Variants in PCDH10 observed in about 807,000 individuals in gnomAD.
PCDH10 encodes the protein protocadherin 10.
Under a neutral mutation model 74.4 loss-of-function variants are expected in PCDH10, and 15 were observed. The ratio of observed to expected loss-of-function variants is 0.20; its 90% CI spans 0.13 to 0.31. The LOEUF (loss-of-function observed/expected upper bound fraction) is 0.31. Among genes scored for constraint, PCDH10 ranks in the 10% least tolerant of loss-of-function variants. PCDH10 has a pLI of 1.00. For synonymous variants in PCDH10, 619 were observed against 589.8 expected, an observed-to-expected ratio of 1.05 and a Z score of -0.72; for missense variants, 1,260 against 1,390.2, an observed-to-expected ratio of 0.91 and a Z score of 1.49.
chr4:133,203,767 C>T (rs906809773), intron 2 of PCDH10, among the ~76,000 whole-genome samples: 3 of 152,104 alleles, frequency 2.0e-5, no homozygotes, highest in African/African-American at 7.2e-5. Flanking sequence ...TGGTGCAGAC[C>T]TTCTGTGTGG....
intron 2 of PCDH10, among the ~76,000 whole-genome samples, chr4:133,206,593 T>G: frequency 6.6e-6 from 1 of 152,344 alleles, no homozygotes; most frequent in South Asian, 2.1e-4. Flanking sequence ...AGTTACTATG[T>G]CAATTATAAC....
Position 133,158,760 on chromosome 4 carries a change from G to A in PCDH10, c.2797+3737G>A, listed in dbSNP as rs1475131807. ...AGATAATTGCCAAGTTTGATTTTGG[G>A]TTTATATATAAAATGGATTTACACC... On this transcript the variant is annotated intron_variant, in intron 3 of 4. Coordinates refer to ENST00000264360, the MANE Select transcript of PCDH10 (RefSeq NM_032961.3). 5.9e-5 allele frequency among the ~76,000 whole-genome samples: 9 copies of A among 152,008 alleles called. No individual in the cohort carries two copies. In the East Asian group the frequency reaches 1.7e-3, roughly 29 times the overall value.
chr4:133,187,423 A>AT lies in PCDH10; in HGVS notation c.3104-2718_3104-2717insT, dbSNP rs1221851684. Among the ~76,000 whole-genome samples the AT allele has an allele frequency of 2.6e-5, 4 of 152,234 alleles. No individual in the cohort carries two copies. In the South Asian group the frequency reaches 6.2e-4, roughly 24 times the overall value. ...TCCTTCGATTTTGGGGGCAACCTGG[A>AT]AACAGGCCCTCACAGACACTGAGGG... On this transcript the variant is annotated intron_variant, in intron 4 of 4. Transcript: ENST00000264360.
chr4:133,151,721 C>T lies in PCDH10; in HGVS notation c.1581C>T (p.Ala527=). ...SINSENGYLY[A]LRSFDYEQLK... ...ACTCTGAGAACGGCTACTTGTACGC[C>T]CTGCGCTCCTTCGACTATGAGCAGC... is the stretch of plus-strand genomic sequence containing the variant. The change falls in exon 1 of 5, where the codon GCC becomes GCT. Residue 527 remains alanine (A), a synonymous_variant. Coordinates refer to ENST00000264360, the MANE Select transcript of PCDH10 (RefSeq NM_032961.3). 1.2e-6 allele frequency: 2 copies of T among 1,613,230 alleles called. No homozygotes were observed. The highest frequency in any genetic ancestry group is 8.5e-7 in the Non-Finnish European group (1 of 1,180,046).
At chr4:133,171,434 T>C in intron 4 of PCDH10, among the ~76,000 whole-genome samples, 1 of 152,308 alleles carries the variant, frequency 6.6e-6, no homozygotes, top group African/African-American at 2.4e-5. Context: ...ACATATTTTC[T>C]GGATTAAATT....
chr4:133,207,094 T>C (rs955228297), intron 2 of PCDH10, among the ~76,000 whole-genome samples: 1 of 152,116 alleles, frequency 6.6e-6, no homozygotes, highest in Non-Finnish European at 1.5e-5. Flanking sequence ...AATATCATTA[T>C]CTTGAAATGA....
intron 4 of PCDH10, among the ~76,000 whole-genome samples, chr4:133,171,996 G>A (rs893067841): frequency 1.3e-5 from 2 of 151,682 alleles, no homozygotes; most frequent in African/African-American, 4.8e-5. Flanking sequence ...ACAGAATCTG[G>A]AGCCTTCTCA....
chr4:133,207,645 C>T (rs1478413386), intron 2 of PCDH10, among the ~76,000 whole-genome samples: 4 of 151,698 alleles, frequency 2.6e-5, no homozygotes, highest in Non-Finnish European at 2.9e-5. Context: ...AGTAACTGTA[C>T]TCATCAATTA....
intron 2 of PCDH10, among the ~76,000 whole-genome samples, chr4:133,206,293 A>G (rs1728003202): frequency 1.3e-5 from 2 of 152,150 alleles, no homozygotes; most frequent in South Asian, 2.1e-4. Flanking sequence ...TGTGCCTGCT[A>G]TTTCCTAATG....
chr4:133,178,776 G>C (rs1302627289), intron 4 of PCDH10, among the ~76,000 whole-genome samples: 2 of 152,060 alleles, frequency 1.3e-5, no homozygotes, highest in African/African-American at 4.8e-5. Context: ...TTACTTGTGA[G>C]TGTCTCTCTA....
chr4:133,162,122 A>G (rs1395153184), intron 3 of PCDH10, among the ~76,000 whole-genome samples: 2 of 152,172 alleles, frequency 1.3e-5, no homozygotes, highest in African/African-American at 2.4e-5. Context: ...TCTTGGTATT[A>G]TAGGATTAGT....
In PCDH10 at chr4:133,152,166, G is replaced by A; in HGVS notation, c.2026G>A (p.Val676Ile). The change falls in exon 1 of 5, where the codon GTT becomes ATT. Residue 676 changes from valine (V) to isoleucine (I), a missense_variant. This residue lies in a region of PCDH10 where 587 missense variants were observed against 616.9 expected (regional missense o/e 0.95). Transcript: ENST00000264360. ...CCTTTCCTCCACCGCCACCCTGGTG[G>A]TTCAGCTGGTGGATGGCGCCGTGGA... ...PPLSSTATLV[V>I]QLVDGAVEPQ... 1.9e-6 allele frequency: 3 copies of A among 1,568,874 alleles called. No individual in the cohort carries two copies. The highest frequency in any genetic ancestry group is 1.7e-6 in the Non-Finnish European group (2 of 1,157,910).
At chr4:133,203,722 T>C (rs929144536) in intron 2 of PCDH10, among the ~76,000 whole-genome samples, 7 of 152,358 alleles carry the variant, frequency 4.6e-5, no homozygotes, top group East Asian at 1.9e-4. Flanking sequence ...TAAAGTTTAA[T>C]AGTTACAGCT....
rs1727755225 is a variant in PCDH10, at chr4:133,194,662, T to A, written c.*4502T>A. 1 of 151,952 alleles carries A rather than the reference T, an allele frequency of 6.6e-6. No homozygotes were observed. The highest frequency in any genetic ancestry group is 1.5e-5 in the Non-Finnish European group (1 of 67,874). 9.4% of individuals were successfully genotyped at this position (151,952 alleles called of 1,614,324 possible). ...CACTGACGCCTGTGGGAGCTTTGAA[T>A]AAAAATCAGTGGCAAATATGGCTCT... is the stretch of plus-strand genomic sequence containing the variant. On this transcript the variant is annotated 3_prime_UTR_variant, in exon 5 of 5. Transcript: ENST00000264360.
chr4:133,150,037 C>T lies in PCDH10; in HGVS notation c.-104C>T. On this transcript the variant is annotated 5_prime_UTR_variant, in exon 1 of 5. Transcript: ENST00000264360. ...AAGCCACAGGAGCCCCCACGTAGCGCACTTTTATTTGTATTTTTTCAGATT... is the reference window on the plus strand; with the variant it reads ...AAGCCACAGGAGCCCCCACGTAGCGTACTTTTATTTGTATTTTTTCAGATT... The T allele has an allele frequency of 7.0e-7, 1 of 1,429,638 alleles. No homozygotes were observed. Among genetic ancestry groups the T allele is most frequent in the African/African-American group, 1.4e-5 (1 of 70,006 alleles). 88.6% of individuals were successfully genotyped at this position (1,429,638 alleles called of 1,614,324 possible).
At chr4:133,164,072 A>T (rs567162499) in intron 4 of PCDH10, 1 of 454,016 alleles carries the variant, frequency 2.2e-6, no homozygotes, top group African/African-American at 2.0e-5. Context: ...GTGGTGTTTT[A>T]TGAAGGATTG....
chr4:133,150,815 C>T lies in PCDH10; in HGVS notation c.675C>T (p.Pro225=). The change falls in exon 1 of 5, where the codon CCC becomes CCT. Residue 225 remains proline, a synonymous_variant. Coordinates refer to ENST00000264360, the MANE Select transcript of PCDH10 (RefSeq NM_032961.3). ...GGGGGGGAGL[P]PQQQRTGTAL... ...GAGGTGGCGGGGGAGCAGGCCTGCCCCCCCAGCAGCAGCGCACCGGCACGG... is the reference window on the plus strand; with the variant it reads ...GAGGTGGCGGGGGAGCAGGCCTGCCTCCCCAGCAGCAGCGCACCGGCACGG... 1 of 1,587,662 alleles carries T rather than the reference C, an allele frequency of 6.3e-7. No homozygotes were observed. Among genetic ancestry groups the T allele is most frequent in the African/African-American group, 1.3e-5 (1 of 74,710 alleles).
chr4:133,183,782 A>G (rs1212597342), intron 4 of PCDH10, among the ~76,000 whole-genome samples: 5 of 152,152 alleles, frequency 3.3e-5, no homozygotes, highest in African/African-American at 4.8e-5. Context: ...CACAATGGTA[A>G]CATTAGAATT....
chr4:133,183,838 C>T (rs990659012), intron 4 of PCDH10, among the ~76,000 whole-genome samples: 13 of 152,094 alleles, frequency 8.5e-5, no homozygotes, highest in African/African-American at 1.9e-4. Flanking sequence ...GTTGCTAGAA[C>T]GAGAATGTCT....
Sources: allele counts gnomAD v4.1 joint callset (sites outside exome capture counted in the v4.1 genomes callset), GRCh38; gene constraint gnomAD v4.1.1; regional missense constraint gnomAD v4.1.1; transcripts MANE v1.5; gene names NCBI Gene and HGNC (gene_info 2026-07-23, HGNC 2026-07-21).